Variants in PDE10A observed in about 807,000 individuals in gnomAD.
The protein encoded by PDE10A is cAMP and cAMP-inhibited cGMP 3',5'-cyclic phosphodiesterase 10A.
PDE10A carries 39 observed loss-of-function variants against 97.7 expected under a neutral mutation model. That is an observed-to-expected ratio of 0.40 (90% CI 0.31 to 0.52). PDE10A has a LOEUF of 0.52. Among genes scored for constraint, PDE10A ranks in the 20% least tolerant of loss-of-function variants. The pLI, the probability that PDE10A is intolerant of heterozygous loss-of-function variation, is 0.56. For synonymous variants in PDE10A, 371 were observed against 376.8 expected, an observed-to-expected ratio of 0.98 and a Z score of 0.18; for missense variants, 731 against 1,047.8, an observed-to-expected ratio of 0.70 and a Z score of 4.17.
rs891367650 is a variant in PDE10A at position 165,711,897 on chromosome 6, T to C, written c.-614-168329A>G. Among the ~76,000 whole-genome samples, 1 of 152,098 alleles carries C rather than the reference T, an allele frequency of 6.6e-6. No homozygotes were observed. Among genetic ancestry groups the C allele is most frequent in the African/African-American group, 2.4e-5 (1 of 41,414 alleles). ...GTTTTATTCTGCATCCTAGGGGTGA[T>C]TGGTGACTGGGGCAACCTGATCAGT... On this transcript the variant is annotated intron_variant, in intron 1 of 19. Coordinates refer to the PDE10A transcript ENST00000366882. The surrounding 1 kb of genome is among the most constrained non-coding windows in gnomAD (Gnocchi z 4.5).
chr6:165,557,529 T>C (rs7769917), intron 1 of PDE10A, among the ~76,000 whole-genome samples: 12 of 152,180 alleles, frequency 7.9e-5, no homozygotes, highest in African/African-American at 2.7e-4. Flanking sequence ...TTTCCACTTA[T>C]CAAAATACGT....
intron 2 of PDE10A, among the ~76,000 whole-genome samples, chr6:165,509,524 C>T (rs1347735373): frequency 2.0e-5 from 3 of 151,574 alleles, no homozygotes; most frequent in African/African-American, 7.3e-5. Flanking sequence ...GTGATGCCTC[C>T]GGTGTTGTTC....
intron 1 of PDE10A, among the ~76,000 whole-genome samples, chr6:165,726,083 A>C (rs1224866251): frequency 6.6e-6 from 1 of 152,200 alleles, no homozygotes; most frequent in Non-Finnish European, 1.5e-5. Flanking sequence ...CAAGAACATA[A>C]TATGTTGTAT....
chr6:165,422,402 T>TACGCATATACACACACAGGCATACACAC, intron 10 of PDE10A, among the ~76,000 whole-genome samples: 1 of 140,122 alleles, frequency 7.1e-6, no homozygotes, highest in African/African-American at 2.9e-5. Context: ...CATACACACA[T>TACGCATATACACACACAGGCATACACAC]ACGCATACAC....
intron 10 of PDE10A, among the ~76,000 whole-genome samples, chr6:165,425,770 C>CATGTGTGTGTGTGTGTGTGTGT (rs112669910): frequency 1.7e-4 from 24 of 144,136 alleles, no homozygotes; most frequent in African/African-American, 6.3e-4. Context: ...AAGGCATGAT[C>CATGTGTGTGTGTGTGTGTGTGT]GTGTGTGTGT....
intron 3 of PDE10A, among the ~76,000 whole-genome samples, chr6:165,477,640 C>G (rs767011082): frequency 1.1e-4 from 17 of 152,136 alleles, no homozygotes; most frequent in Non-Finnish European, 4.4e-5. Context: ...CCACACTCAG[C>G]ATTTCCTAGA....
At chr6:165,910,317 C>T (rs1782416160) in intron 1 of PDE10A, among the ~76,000 whole-genome samples, 1 of 152,184 alleles carries the variant, frequency 6.6e-6, no homozygotes, top group South Asian at 2.1e-4. Context: ...AAAGCAGTGG[C>T]TGGGTCTGTT....
chr6:165,767,934 A>T (rs1472078018), intron 1 of PDE10A, among the ~76,000 whole-genome samples: 1 of 152,090 alleles, frequency 6.6e-6, no homozygotes, highest in East Asian at 1.9e-4. Flanking sequence ...TTGCCAGCAC[A>T]CCTTGTTGTC....
At chr6:165,973,011 T>C (rs1189386394) in intron 1 of PDE10A, among the ~76,000 whole-genome samples, 1 of 151,152 alleles carries the variant, frequency 6.6e-6, no homozygotes, top group Admixed American at 6.6e-5. Flanking sequence ...TTCTCTTCCA[T>C]TCCATTCAGC....
chr6:165,849,958 C>G (rs1018746045), intron 1 of PDE10A, among the ~76,000 whole-genome samples: 9 of 152,178 alleles, frequency 5.9e-5, no homozygotes, highest in African/African-American at 2.2e-4. Flanking sequence ...TGAAGAGAGA[C>G]ATATGAGCAT....
intron 2 of PDE10A, among the ~76,000 whole-genome samples, chr6:165,537,566 T>C (rs1053043141): frequency 5.9e-5 from 9 of 151,958 alleles, no homozygotes; most frequent in African/African-American, 9.7e-5. Context: ...ATATTCATAA[T>C]TTTAAATTTT....
intron 1 of PDE10A, among the ~76,000 whole-genome samples, chr6:165,892,330 C>T (rs1324278228): frequency 6.6e-6 from 1 of 152,204 alleles, no homozygotes; most frequent in Non-Finnish European, 1.5e-5. Flanking sequence ...ACTCCCCCCT[C>T]TTCATTCCCC....
chr6:165,632,355 A>G (rs1234381542), intron 1 of PDE10A, among the ~76,000 whole-genome samples: 2 of 152,194 alleles, frequency 1.3e-5, no homozygotes, highest in African/African-American at 4.8e-5. Flanking sequence ...AAGAAAGCTC[A>G]GGTATGAGAC....
At chr6:165,826,159 G>C (rs999466311) in intron 1 of PDE10A, among the ~76,000 whole-genome samples, 1 of 152,134 alleles carries the variant, frequency 6.6e-6, no homozygotes, top group Non-Finnish European at 1.5e-5. Context: ...TGATCACAGA[G>C]TTGACACAAT....
intron 1 of PDE10A, among the ~76,000 whole-genome samples, chr6:165,824,822 G>A (rs1779680153): frequency 6.6e-6 from 1 of 151,900 alleles, no homozygotes; most frequent in Admixed American, 6.6e-5. Flanking sequence ...GAACACTGTT[G>A]CATTGTATTT....
rs145874856 is a variant in PDE10A at position 165,650,614 on chromosome 6, G to A, written c.865+11333C>T. On this transcript the variant is annotated intron_variant, in intron 1 of 21. Coordinates refer to ENST00000539869, the MANE Select transcript of PDE10A (RefSeq NM_001385079.1). ...ATGTTATTTAACCAAGCGCCCACTC[G>A]TAGACAGGCCATTAGATGGTTTCCA... Among the ~76,000 whole-genome samples, 343 of 152,262 alleles carry A rather than the reference G, an allele frequency of 2.3e-3. 1 individual carries two copies. The highest frequency in any genetic ancestry group is 7.7e-3 in the African/African-American group (318 of 41,546).
At chr6:165,854,147 G>C (rs991610579) in intron 1 of PDE10A, among the ~76,000 whole-genome samples, 1 of 152,218 alleles carries the variant, frequency 6.6e-6, no homozygotes, top group African/African-American at 2.4e-5. Flanking sequence ...CGGGCGCAGC[G>C]CAGCGCTGGC....
intron 1 of PDE10A, among the ~76,000 whole-genome samples, chr6:165,694,361 G>A (rs968944961): frequency 1.3e-5 from 2 of 152,260 alleles, no homozygotes; most frequent in African/African-American, 2.4e-5. Context: ...TAGCACTGCT[G>A]TAACTGAAGT....
chr6:165,516,869 T>C (rs1050232064), intron 2 of PDE10A, among the ~76,000 whole-genome samples: 4 of 152,180 alleles, frequency 2.6e-5, no homozygotes, highest in Admixed American at 6.5e-5. Context: ...TTTTAGACAA[T>C]GTATCCTTGA....
Sources: gnomAD v4.1 joint callset for allele counts (sites outside exome capture counted in the v4.1 genomes callset) on GRCh38, gnomAD v4.1.1 for gene constraint, Gnocchi (gnomAD v3.1) non-coding constraint, MANE v1.5 for transcripts, NCBI Gene and HGNC (gene_info 2026-07-23, HGNC 2026-07-21) for gene names.